KCTD14: variants seen among roughly 807,000 people sequenced by gnomAD.
KCTD14 encodes potassium channel tetramerization domain containing 14, also known as BTB/POZ domain-containing protein KCTD14.
Under a neutral mutation model 5.9 loss-of-function variants are expected in KCTD14, and 7 were observed. The ratio of observed to expected loss-of-function variants is 1.19; its 90% CI spans 0.68 to 2.23. The LOEUF (loss-of-function observed/expected upper bound fraction) is 2.23, where lower values mean the gene tolerates loss of function less well. Among genes scored for constraint, KCTD14 ranks in the 30% most tolerant of loss-of-function variants. The pLI, the probability that KCTD14 is intolerant of heterozygous loss-of-function variation, is 0.00. For synonymous variants in KCTD14, 140 were observed against 133.1 expected, an observed-to-expected ratio of 1.05 and a Z score of -0.36; for missense variants, 342 against 332.2, an observed-to-expected ratio of 1.03 and a Z score of -0.23.
chr11:78,033,236 G>A (rs4944188), intron 2 of KCTD14, among the ~76,000 whole-genome samples: 124,017 of 152,196 alleles, frequency 0.81, 50,884 homozygotes, highest in African/African-American at 0.9. Context: ...TGTTCGTTGC[G>A]TCATTGTTTG....
chr11:78,044,264 C>T (rs999992581), intron 1 of KCTD14, among the ~76,000 whole-genome samples: 1 of 152,122 alleles, frequency 6.6e-6, no homozygotes, highest in Admixed American at 6.6e-5. Flanking sequence ...CTGGAATCTG[C>T]CTGGCACCTA....
At chr11:78,025,158 A>AT (rs1857433257), upstream of KCTD14, among the ~76,000 whole-genome samples, 6 of 133,950 alleles carry the variant, frequency 4.5e-5, no homozygotes, top group African/African-American at 1.7e-4. Flanking sequence ...ATATATATAA[A>AT]GGGGAGTTTA....
At chr11:78,038,710 G>T (rs1440788637) in exon 2 of KCTD14, 6 of 1,535,752 alleles carry the variant, frequency 3.9e-6, no homozygotes, top group African/African-American at 1.4e-5. Flanking sequence ...CACAGCAGGG[G>T]TGTCAGAGAG....
chr11:78,015,720 T>G lies in KCTD14; in HGVS notation c.*873A>C, dbSNP rs1857145251. On this transcript the variant is annotated 3_prime_UTR_variant, in exon 2 of 2. Coordinates refer to ENST00000353172, the MANE Select transcript of KCTD14 (RefSeq NM_023930.4). ...AGCAGAACCAAAACTGAGACTCTCG[T>G]GCAAGTGGTTTATTGATGGAGTGCT... 1 of 152,220 alleles carries G rather than the reference T, an allele frequency of 6.6e-6. No homozygotes were observed. Among genetic ancestry groups the G allele is most frequent in the Non-Finnish European group, 1.5e-5 (1 of 68,126 alleles). 9.4% of individuals were successfully genotyped at this position (152,220 alleles called of 1,614,324 possible).
upstream of KCTD14, among the ~76,000 whole-genome samples, chr11:78,024,585 G>A (rs535064463): frequency 1.5e-4 from 22 of 151,668 alleles, no homozygotes; most frequent in African/African-American, 3.4e-4. Context: ...GTTAAGTTTC[G>A]TTTCTGTCTA....
At chr11:78,028,383 T>A (rs1481705128) in intron 2 of KCTD14, among the ~76,000 whole-genome samples, 4 of 151,978 alleles carry the variant, frequency 2.6e-5, no homozygotes, top group African/African-American at 9.7e-5. Flanking sequence ...GGCGGGTGGA[T>A]CATGAGGTCA....
chr11:78,043,172 C>T (rs1248175518), intron 1 of KCTD14, among the ~76,000 whole-genome samples: 1 of 152,234 alleles, frequency 6.6e-6, no homozygotes, highest in Non-Finnish European at 1.5e-5. Flanking sequence ...TAAATGCACA[C>T]ACCCTATGTT....
intron 2 of KCTD14, among the ~76,000 whole-genome samples, chr11:78,038,272 G>A (rs1390811545): frequency 6.6e-6 from 1 of 152,144 alleles, no homozygotes; most frequent in Non-Finnish European, 1.5e-5. Context: ...ATCTTTTGAA[G>A]CCCCATAGGC....
intron 2 of KCTD14, among the ~76,000 whole-genome samples, chr11:78,035,855 A>AAAC (rs1389731118): frequency 2.0e-5 from 3 of 146,956 alleles, no homozygotes; most frequent in South Asian, 4.3e-4. Flanking sequence ...AAAAAAAAAA[A>AAAC]AAAAAAAAAA....
chr11:78,038,150 T>C (rs1857870683), intron 2 of KCTD14, among the ~76,000 whole-genome samples: 1 of 151,844 alleles, frequency 6.6e-6, no homozygotes, highest in African/African-American at 2.4e-5. Context: ...TGACTGAAAA[T>C]TGGCCAGCAA....
At chr11:78,025,928 C>T (rs768544675), upstream of KCTD14, among the ~76,000 whole-genome samples, 1 of 152,164 alleles carries the variant, frequency 6.6e-6, no homozygotes, top group East Asian at 1.9e-4. Context: ...AATACTACTC[C>T]AGCCAGGTGA....
intron 1 of KCTD14, among the ~76,000 whole-genome samples, chr11:78,017,609 T>A (rs1248704050): frequency 6.6e-6 from 1 of 151,914 alleles, no homozygotes; most frequent in Non-Finnish European, 1.5e-5. Context: ...CATGCCCAAC[T>A]AATTTTTGTA....
upstream of KCTD14, chr11:78,023,516 T>G: frequency 2.1e-6 from 1 of 465,266 alleles, no homozygotes; most frequent in South Asian, 2.8e-5. Context: ...CTTTCTTTCT[T>G]TCTTTTTTTT....
Position 78,023,074 on chromosome 11 carries a change from G to C in KCTD14, c.90+86C>G, listed in dbSNP as rs1362152768. ...GGGGGCTCGGGCGTCTGGGAGGGAC[G>C]GGCAGGAGAAACTGGAAGGGAGGGA... On this transcript the variant is annotated intron_variant, in intron 1 of 1. Coordinates refer to ENST00000353172, the MANE Select transcript of KCTD14 (RefSeq NM_023930.4). 4.1e-5 allele frequency: 37 copies of C among 912,192 alleles called. No individual in the cohort carries two copies. In the South Asian group the frequency reaches 5.8e-4, roughly 14 times the overall value. The allele number at this position is 912,192 out of a possible 1,614,324, so 56.5% of individuals were successfully genotyped here.
At position 78,016,196 on chromosome 11, in the gene KCTD14, T is replaced by C. The variant is rs1243663360; in HGVS notation, c.*397A>G. On this transcript the variant is annotated 3_prime_UTR_variant, in exon 2 of 2. Coordinates refer to ENST00000353172, the MANE Select transcript of KCTD14 (RefSeq NM_023930.4). ...CATGAAGGCACATGCCAGGGACAGA[T>C]GGATTGGACCCCAAGCTGGGGCTAT... The C allele has an allele frequency of 4.4e-6, 1 of 225,954 alleles. No homozygotes were observed. Among genetic ancestry groups the C allele is most frequent in the Non-Finnish European group, 8.8e-6 (1 of 114,240 alleles). 14.0% of individuals were successfully genotyped at this position (225,954 alleles called of 1,614,324 possible).
chr11:78,025,036 T>TTA (rs1194622564), upstream of KCTD14, among the ~76,000 whole-genome samples: 3 of 146,674 alleles, frequency 2.0e-5, no homozygotes, highest in Admixed American at 1.4e-4. Context: ...TAACTCCCCG[T>TTA]TATATATATA....
intron 1 of KCTD14, among the ~76,000 whole-genome samples, chr11:78,041,800 A>T (rs899424934): frequency 2.0e-5 from 3 of 152,212 alleles, no homozygotes; most frequent in Non-Finnish European, 2.9e-5. Context: ...TGCCACTCCC[A>T]ATCGTGCTAA....
At chr11:78,030,209 A>G (rs1247360483) in intron 2 of KCTD14, among the ~76,000 whole-genome samples, 1 of 152,156 alleles carries the variant, frequency 6.6e-6, no homozygotes, top group Non-Finnish European at 1.5e-5. Flanking sequence ...CCACCAATGC[A>G]AAGTAGGAAA....
chr11:78,034,395 G>A (rs1857727381), intron 2 of KCTD14, among the ~76,000 whole-genome samples: 1 of 152,150 alleles, frequency 6.6e-6, no homozygotes, highest in African/African-American at 2.4e-5. Flanking sequence ...TTACAGGTGT[G>A]AGCCACTGTG....
Sources: allele counts gnomAD v4.1 joint callset (sites outside exome capture counted in the v4.1 genomes callset), GRCh38; gene constraint gnomAD v4.1.1; transcripts MANE v1.5; gene names NCBI Gene and HGNC (gene_info 2026-07-23, HGNC 2026-07-21).